Variants in WDR91 observed in about 807,000 individuals in gnomAD.
WDR91 encodes the protein WD repeat-containing protein 91.
A neutral mutation model predicts 88.4 loss-of-function variants in WDR91; 52 were observed. The observed-to-expected ratio is 0.59, with a 90% confidence interval of 0.47 to 0.74. The LOEUF is 0.74. WDR91 is among the 30% of genes least tolerant of loss of function. The probability of loss-of-function intolerance (pLI) is 0.00; values close to 1 mark genes in which losing one functional copy is unlikely to be tolerated. For missense variants in WDR91, 824 were observed against 954.5 expected (o/e 0.86, Z 1.80); for synonymous variants, 362 against 389.5 (o/e 0.93, Z 0.83).
intron 14 of WDR91, 32 bp from the exon 15 acceptor site, chr7:135,186,347 C>A (rs1308533217): frequency 6.2e-7 from 1 of 1,602,112 alleles, no homozygotes; most frequent in African/African-American, 1.3e-5. Flanking sequence ...GAGGAGGTGT[C>A]AGCAAACACC....
chr7:135,193,851 G>C, intron 9 of WDR91, 179 bp from the exon 10 acceptor site: 2 of 596,170 alleles, frequency 3.4e-6, no homozygotes, highest in Non-Finnish European at 6.0e-6. Context: ...AAACAAAGAC[G>C]TGAGAGCTGA....
intron 13 of WDR91, among the ~76,000 whole-genome samples, chr7:135,187,996 GGA>G (rs1831016696): frequency 6.6e-6 from 1 of 152,134 alleles, no homozygotes; most frequent in South Asian, 2.1e-4. Flanking sequence ...CTCCACAGAG[GGA>G]ATCTACCAGG....
At chr7:135,202,336 A>G (rs2117691688) in intron 6 of WDR91, 1 of 152,344 alleles carries the variant, frequency 6.6e-6, no homozygotes. Context: ...CTGAATCTAA[A>G]TCATCTACCA....
chr7:135,185,626 A>G lies in WDR91; in HGVS notation c.*525T>C, dbSNP rs915707328. On this transcript the variant is annotated 3_prime_UTR_variant, in exon 15 of 15. Coordinates refer to ENST00000354475, the MANE Select transcript of WDR91 (RefSeq NM_014149.4). ...CAGGAACTGCCAAACCTTGTTACCCAGCAGAACAGACAGAGAGCTGACCTG... is the reference window on the plus strand; with the variant it reads ...CAGGAACTGCCAAACCTTGTTACCCGGCAGAACAGACAGAGAGCTGACCTG... The G allele has an allele frequency of 2.0e-5, 3 of 152,264 alleles. No individual in the cohort carries two copies. The highest frequency in any genetic ancestry group is 7.2e-5 in the African/African-American group (3 of 41,448). 9.4% of individuals were successfully genotyped at this position (152,264 alleles called of 1,614,324 possible).
At chr7:135,203,900 G>A (rs1052872668) in intron 6 of WDR91, among the ~76,000 whole-genome samples, 2 of 152,060 alleles carry the variant, frequency 1.3e-5, no homozygotes, top group Non-Finnish European at 2.9e-5. Context: ...TGTGAGGTCT[G>A]GCACTGCCTT....
chr7:135,187,380 T>G (rs1418545032), intron 13 of WDR91, among the ~76,000 whole-genome samples: 1 of 152,218 alleles, frequency 6.6e-6, no homozygotes, highest in Non-Finnish European at 1.5e-5. Flanking sequence ...CAACATGATT[T>G]AAGCATTTTT....
chr7:135,187,080 T>C lies in WDR91; in HGVS notation c.1971A>G (p.Gly657=). ...SDATGPFVLS[G]YSGYKQVQVP... ...CTTGAACCTGCTTGTAGCCGCTGTA[T>C]CCAGACAGCACAAAGGGGCCCGTGG... The change falls in exon 14 of 15, where the codon GGA becomes GGG. Residue 657 remains glycine (G), a synonymous_variant. Transcript: ENST00000354475. 2 of 1,614,198 alleles carry C rather than the reference T, an allele frequency of 1.2e-6. No homozygotes were observed. The highest frequency in any genetic ancestry group is 1.7e-6 in the Non-Finnish European group (2 of 1,180,042).
intron 7 of WDR91, chr7:135,197,786 G>A: frequency 1.7e-6 from 1 of 575,738 alleles, no homozygotes; most frequent in South Asian, 2.8e-5. Flanking sequence ...CCCCTACTTA[G>A]GGAAATGCTG....
intron 14 of WDR91, among the ~76,000 whole-genome samples, chr7:135,186,633 G>A (rs292554): frequency 0.69 from 105,001 of 151,692 alleles, 37,079 homozygotes; most frequent in Admixed American, 0.81. Context: ...TCACTACCTG[G>A]CAGGTGCTCA....
Position 135,200,509 on chromosome 7 carries a change from T to C in WDR91, c.892-2358A>G, listed in dbSNP as rs577055311. ...TGTGACCCTACCTTACACATCTTTG[T>C]AACCTTAGCACCCAGCACCACGCCT... On this transcript the variant is annotated intron_variant, in intron 6 of 14. Transcript: ENST00000354475. 2.0e-5 allele frequency among the ~76,000 whole-genome samples: 3 copies of C among 152,304 alleles called. No homozygotes were observed. The South Asian group carries it at 6.2e-4, about 32-fold the overall frequency.
At chr7:135,191,811 C>T (rs1831176307) in intron 11 of WDR91, among the ~76,000 whole-genome samples, 1 of 152,094 alleles carries the variant, frequency 6.6e-6, no homozygotes, top group Non-Finnish European at 1.5e-5. Flanking sequence ...TTTCAATATG[C>T]TTTTGTATGT....
intron 14 of WDR91, among the ~76,000 whole-genome samples, 168 bp downstream of exon 14, chr7:135,186,804 C>G (rs748861883): frequency 2.6e-5 from 4 of 152,236 alleles, no homozygotes; most frequent in Admixed American, 6.5e-5. Flanking sequence ...AAACATGGCT[C>G]TCCTCTGAAC....
intron 6 of WDR91, among the ~76,000 whole-genome samples, chr7:135,202,756 C>T (rs893380584): frequency 7.2e-5 from 11 of 152,144 alleles, no homozygotes; most frequent in African/African-American, 2.7e-4. Context: ...AGTGAGAGAT[C>T]CAGAAAGCAA....
At chr7:135,193,766 G>C in intron 9 of WDR91, 94 bp from the exon 10 acceptor site, 2 of 1,045,880 alleles carry the variant, frequency 1.9e-6, no homozygotes, top group Non-Finnish European at 2.9e-6. Context: ...GGCAGGCTGT[G>C]GGGGTGAGGC....
chr7:135,211,509 GCTAGCGTCT>G lies in WDR91; in HGVS notation c.-16_-8del. On this transcript the variant is annotated 5_prime_UTR_variant, in exon 1 of 15. Coordinates refer to ENST00000354475, the MANE Select transcript of WDR91 (RefSeq NM_014149.4). ...GCTCCACGGCCTCCGCCATCGCAGCGCTAGCGTCTTTAGGGGTGGTGCGGTGAGGGACGG... is the reference window on the plus strand; with the variant it reads ...GCTCCACGGCCTCCGCCATCGCAGCGTTAGGGGTGGTGCGGTGAGGGACGG... 6.2e-7 allele frequency: 1 copy of G among 1,611,074 alleles called. No individual in the cohort carries two copies. Among genetic ancestry groups the G allele is most frequent in the Non-Finnish European group, 8.5e-7 (1 of 1,178,932 alleles).
chr7:135,204,195 CAGG>C (rs2117701080), intron 6 of WDR91, 70 bp downstream of exon 6: 1 of 1,562,136 alleles, frequency 6.4e-7, no homozygotes, highest in East Asian at 2.3e-5. Flanking sequence ...TACACTTGAC[CAGG>C]AGGTCTGGAA....
Position 135,186,981 on chromosome 7 carries a change from G to A in WDR91, c.2070C>T (p.Val690=). ...YMLTCSATGG[V]IYKLGGDEKV... ...CCCAACCATCAGTTACCTTGTAGAT[G>A]ACGCCGCCTGTGGCAGAACATGTCA... Residue 690 remains valine, a synonymous_variant, in exon 14 of 15, where the codon GTC becomes GTT. Coordinates refer to ENST00000354475, the MANE Select transcript of WDR91 (RefSeq NM_014149.4). 1 of 1,613,778 alleles carries A rather than the reference G, an allele frequency of 6.2e-7. No homozygotes were observed. Among genetic ancestry groups the A allele is most frequent in the Non-Finnish European group, 8.5e-7 (1 of 1,180,048 alleles).
intron 13 of WDR91, among the ~76,000 whole-genome samples, chr7:135,188,189 A>G (rs148087434): frequency 1.3e-5 from 2 of 152,286 alleles, no homozygotes; most frequent in Non-Finnish European, 2.9e-5. Flanking sequence ...GACCCCACAG[A>G]TACATCTATG....
chr7:135,200,477 C>A (rs1831530981), intron 6 of WDR91, among the ~76,000 whole-genome samples: 1 of 152,186 alleles, frequency 6.6e-6, no homozygotes, highest in Admixed American at 6.5e-5. Flanking sequence ...CTGGAAGCTT[C>A]TTCTACTGTG....
Sources: gnomAD v4.1 joint callset for allele counts (sites outside exome capture counted in the v4.1 genomes callset) on GRCh38, gnomAD v4.1.1 for gene constraint, MANE v1.5 for transcripts, NCBI Gene and HGNC (gene_info 2026-07-23, HGNC 2026-07-21) for gene names.